The following AMDHD1 variants were observed in gnomAD, a reference collection of about 807,000 sequenced individuals.
AMDHD1 encodes the protein probable imidazolonepropionase.
A neutral mutation model predicts 44.1 loss-of-function variants in AMDHD1; 45 were observed. That is an observed-to-expected ratio of 1.02 (90% CI 0.80 to 1.31). The LOEUF is 1.31. Ranked by LOEUF, AMDHD1 falls within the 50% of genes most tolerant of loss-of-function variation. AMDHD1 has a pLI of 0.00. For synonymous variants in AMDHD1, 206 were observed against 205.0 expected (o/e 1.00, Z -0.04); for missense variants, 586 against 552.1 (o/e 1.06, Z -0.61).
At chr12:95,963,941 A>T (rs2136770322) in intron 6 of AMDHD1, among the ~76,000 whole-genome samples, 1 of 151,448 alleles carries the variant, frequency 6.6e-6, no homozygotes, top group African/African-American at 2.4e-5. Context: ...AGGCAGGAGA[A>T]TCCCTTGAAC....
In AMDHD1 at chr12:95,967,829, A is replaced by G. The variant is rs751550538; in HGVS notation, c.1267A>G (p.Ile423Val). Residue 423 changes from isoleucine to valine, a missense_variant, in exon 9 of 9, where the codon ATC (isoleucine) becomes GTC (valine). By Grantham distance (29) the Ile-to-Val change is conservative (BLOSUM62 3). Transcript: ENST00000266736. ...IEYVIAKGKL[I>V]YKT ...ATATGTTATAGCTAAAGGAAAACTC[A>G]TCTATAAAACATGATAGATTTGAAA... The G allele has an allele frequency of 6.3e-7, 1 of 1,591,824 alleles. No homozygotes were observed. The highest frequency in any genetic ancestry group is 8.6e-7 in the Non-Finnish European group (1 of 1,168,566).
At chr12:95,957,518 G>C (rs1185919038) in intron 4 of AMDHD1, among the ~76,000 whole-genome samples, 1 of 152,114 alleles carries the variant, frequency 6.6e-6, no homozygotes, top group African/African-American at 2.4e-5. Flanking sequence ...TTTGTCCAGA[G>C]TTCCTTTTGG....
At chr12:95,964,928 C>CAAAAAAAAAAAGAA (rs2080601524) in intron 6 of AMDHD1, among the ~76,000 whole-genome samples, 1 of 35,832 alleles carries the variant, frequency 2.8e-5, no homozygotes, top group African/African-American at 1.4e-4. Flanking sequence ...ATGTTTGAGG[C>CAAAAAAAAAAAGAA]AAAAAAAAAA....
chr12:95,951,393 A>T (rs2080525307), intron 1 of AMDHD1, among the ~76,000 whole-genome samples: 1 of 152,166 alleles, frequency 6.6e-6, no homozygotes, highest in South Asian at 2.1e-4. Flanking sequence ...CTCCAGTTCT[A>T]TCCATGTTGT....
At position 95,947,919 on chromosome 12, in the gene AMDHD1, G is replaced by A. The variant is rs1386873880; in HGVS notation, c.137+4384G>A. ...GAGGAGCCCCTCTGCCCGGCCAGCCGCCCCATCCGGGAGGGAGGTGGGGGG... is the reference window on the plus strand; with the variant it reads ...GAGGAGCCCCTCTGCCCGGCCAGCCACCCCATCCGGGAGGGAGGTGGGGGG... On this transcript the variant is annotated intron_variant, in intron 1 of 8. Coordinates refer to ENST00000266736, the MANE Select transcript of AMDHD1 (RefSeq NM_152435.3). Among the ~76,000 whole-genome samples the A allele has an allele frequency of 1.2e-4, 14 of 119,170 alleles. No homozygotes were observed. In the East Asian group the frequency reaches 4.2e-3, roughly 36 times the overall value. 78.2% of individuals were successfully genotyped at this position (119,170 alleles called of 152,430 possible). A position where few individuals can be genotyped will look rare whatever the true frequency, so the allele number is the denominator to read the frequency against.
intron 4 of AMDHD1, among the ~76,000 whole-genome samples, chr12:95,959,976 G>A (rs575994239): frequency 4.7e-5 from 5 of 107,362 alleles, no homozygotes; most frequent in African/African-American, 1.9e-4. Context: ...TAGTAGAGAC[G>A]GGGTTTTGCC....
chr12:95,960,365 A>G lies in AMDHD1; in HGVS notation c.588-33A>G, dbSNP rs772888600. Reference sequence around the variant, plus strand: ...TGTCTTTTTGTGTTTTGTTTTTAATATTTGCCCATGGCAATCTCATTTTCT... The same window carrying G: ...TGTCTTTTTGTGTTTTGTTTTTAATGTTTGCCCATGGCAATCTCATTTTCT... On this transcript the variant is annotated intron_variant, in intron 4 of 8. Transcript: ENST00000266736. 8 of 1,591,732 alleles carry G rather than the reference A, an allele frequency of 5.0e-6. No individual in the cohort carries two copies. The East Asian group carries it at 6.7e-5, about 13-fold the overall frequency.
At position 95,956,748 on chromosome 12, in the gene AMDHD1, C is replaced by T. The variant is rs928634093; in HGVS notation, c.373C>T (p.Arg125Cys). ...AGGAGGGATCCACTTTACCGTGGAG[C>T]GCACGCGCCAAGCCACAGAGGAGGA... ...AGGGIHFTVERTRQATEEELF... is the reference protein window; with the variant it reads ...AGGGIHFTVECTRQATEEELF... Residue 125 changes from arginine (R) to cysteine (C), a missense_variant, in exon 4 of 9, where the codon CGC becomes TGC. By Grantham distance (180) the Arg-to-Cys change is radical (BLOSUM62 -3). Coordinates refer to ENST00000266736, the MANE Select transcript of AMDHD1 (RefSeq NM_152435.3). 1.9e-6 allele frequency: 3 copies of T among 1,614,038 alleles called. No individual in the cohort carries two copies. Among genetic ancestry groups the T allele is most frequent in the African/African-American group, 1.3e-5 (1 of 74,918 alleles).
Position 95,943,479 on chromosome 12 carries a change from G to T in AMDHD1, c.81G>T (p.Ala27=). The part of the protein sequence containing the change: ...LVCARGERFL[A]RDALRSLAVL... ...GCGCCCGCGGCGAGCGCTTCCTGGC[G>T]CGGGATGCGCTGCGCAGCCTGGCGG... The change falls in exon 1 of 9, where the codon GCG becomes GCT. Residue 27 remains alanine, a synonymous_variant. Transcript: ENST00000266736. The T allele has an allele frequency of 6.7e-7, 1 of 1,502,678 alleles. No homozygotes were observed. 93.1% of individuals were successfully genotyped at this position (1,502,678 alleles called of 1,614,324 possible). A position where few individuals can be genotyped will look rare whatever the true frequency, so the allele number is the denominator to read the frequency against.
intron 8 of AMDHD1, 97 bp downstream of exon 8, chr12:95,966,605 T>C: frequency 7.0e-7 from 1 of 1,433,690 alleles, no homozygotes; most frequent in Non-Finnish European, 9.6e-7. Context: ...TGTCAGACTC[T>C]GTCTGGACTC....
intron 1 of AMDHD1, among the ~76,000 whole-genome samples, chr12:95,946,434 TG>T (rs907194408): frequency 6.6e-6 from 1 of 152,040 alleles, no homozygotes; most frequent in African/African-American, 2.4e-5. Flanking sequence ...GCGTAGAGGA[TG>T]CAAAAATGAC....
At chr12:95,946,578 TC>T (rs1202874752) in intron 1 of AMDHD1, among the ~76,000 whole-genome samples, 1 of 70 alleles carries the variant, frequency 0.014, no homozygotes, top group Admixed American at 0.083. Flanking sequence ...AAGAGACTGC[TC>T]CCCCTCCCCC....
rs147106014 is a variant in AMDHD1, at chr12:95,960,528, C to T, written c.718C>T (p.Leu240Phe). ...DVFCEKGVFD[L>F]DSTRRILQRG... ...ATTTTGTGAGAAAGGTGTCTTTGAT[C>T]TCGATTCCACCAGAAGGATTCTTCA... Residue 240 changes from leucine (L) to phenylalanine (F), a missense_variant, in exon 5 of 9, where the codon CTC becomes TTC. By Grantham distance (22) the Leu-to-Phe change is conservative. Transcript: ENST00000266736. 1.9e-6 allele frequency: 3 copies of T among 1,614,166 alleles called. No homozygotes were observed. The highest frequency in any genetic ancestry group is 2.7e-5 in the African/African-American group (2 of 75,040).
At chr12:95,955,655 T>A (rs924118825) in intron 3 of AMDHD1, among the ~76,000 whole-genome samples, 1 of 152,132 alleles carries the variant, frequency 6.6e-6, no homozygotes, top group East Asian at 1.9e-4. Context: ...GAGAAAGAGA[T>A]TTACAGTCCA....
At chr12:95,952,191 T>G (rs2080528499) in intron 1 of AMDHD1, among the ~76,000 whole-genome samples, 1 of 152,234 alleles carries the variant, frequency 6.6e-6, no homozygotes, top group African/African-American at 2.4e-5. Flanking sequence ...TCCCAAGGTC[T>G]TCTTTGAGTA....
At chr12:95,943,604 A>G in intron 1 of AMDHD1, 69 bp downstream of exon 1, 1 of 1,371,934 alleles carries the variant, frequency 7.3e-7, no homozygotes, top group Non-Finnish European at 9.4e-7. Flanking sequence ...CTCACTGTGC[A>G]CTCTGGAGGG....
At chr12:95,950,770 C>G (rs1319025114) in intron 1 of AMDHD1, among the ~76,000 whole-genome samples, 2 of 152,128 alleles carry the variant, frequency 1.3e-5, no homozygotes, top group Non-Finnish European at 2.9e-5. Context: ...ATCTTACCGG[C>G]TAGACCTTAG....
Position 95,956,950 on chromosome 12 carries a change from A to T in AMDHD1, c.575A>T (p.His192Leu). Residue 192 changes from histidine (H) to leucine (L), a missense_variant, in exon 4 of 9, where the codon CAT becomes CTT. Coordinates refer to ENST00000266736, the MANE Select transcript of AMDHD1 (RefSeq NM_152435.3). ...IGISATYCGA[H>L]SVPKGKTATE... ...ATCTCGGCTACCTACTGCGGGGCTC[A>T]TTCAGTGCCTAAGTAATCTCAGCCA... 6.2e-7 allele frequency: 1 copy of T among 1,612,230 alleles called. No individual in the cohort carries two copies. The highest frequency in any genetic ancestry group is 8.5e-7 in the Non-Finnish European group (1 of 1,179,890).
chr12:95,966,925 T>C (rs1025608), intron 8 of AMDHD1, among the ~76,000 whole-genome samples: 101,189 of 152,120 alleles, frequency 0.67, 33,887 homozygotes, highest in African/African-American at 0.74. Context: ...CTTAGTTTTC[T>C]TGTTCCTGGT....
Sources: gnomAD v4.1 joint callset for allele counts (sites outside exome capture counted in the v4.1 genomes callset) on GRCh38, gnomAD v4.1.1 for gene constraint, MANE v1.5 for transcripts, NCBI Gene and HGNC (gene_info 2026-07-23, HGNC 2026-07-21) for gene names.